DHRS9: variants seen among roughly 807,000 people sequenced by gnomAD.
DHRS9 encodes the protein dehydrogenase/reductase 9.
DHRS9 carries 18 observed loss-of-function variants against 26.6 expected under a neutral mutation model. That is an observed-to-expected ratio of 0.68 (90% CI 0.47 to 1.00). The LOEUF (loss-of-function observed/expected upper bound fraction) is 1.00. Among genes scored for constraint, DHRS9 ranks in the 50% least tolerant of loss-of-function variants. The pLI, the probability that DHRS9 is intolerant of heterozygous loss-of-function variation, is 0.00. For missense variants in DHRS9, 425 were observed against 378.7 expected (o/e 1.12, Z -1.01); for synonymous variants, 134 against 141.1 (o/e 0.95, Z 0.36).
At position 169,078,815 on chromosome 2, in the gene DHRS9, C is replaced by CTTTTTTTTTTTTTTTTTTTTTTT. The variant is rs200691133; in HGVS notation, c.-59-2704_-59-2682dup. Among the ~76,000 whole-genome samples, 6 of 110,366 alleles carry CTTTTTTTTTTTTTTTTTTTTTTT rather than the reference C, an allele frequency of 5.4e-5. 1 individual carries two copies. The highest frequency in any genetic ancestry group is 1.1e-4 in the African/African-American group (3 of 26,668). The allele number at this position is 110,366 out of a possible 152,430, so 72.4% of individuals were successfully genotyped here. On this transcript the variant is annotated intron_variant, in intron 1 of 4. Coordinates refer to ENST00000674881, the MANE Select transcript of DHRS9 (RefSeq NM_001376924.1). Reference sequence around the variant, plus strand: ...CTCTGACTTAATTTTTATCAACTGACTTTTTTTTTTTTTTTTTTTTTTTTT... The same window carrying CTTTTTTTTTTTTTTTTTTTTTTT: ...CTCTGACTTAATTTTTATCAACTGACTTTTTTTTTTTTTTTTTTTTTTTTTTTTTTTTTTTTTTTTTTTTTTTT...
At chr2:169,077,116 T>A (rs1255163203) in intron 1 of DHRS9, among the ~76,000 whole-genome samples, 2 of 152,194 alleles carry the variant, frequency 1.3e-5, no homozygotes, top group Non-Finnish European at 2.9e-5. Context: ...TGTTCAGATG[T>A]CAGCTGTGCT....
chr2:169,095,491 C>A, intron 4 of DHRS9, 53 bp from the exon 5 acceptor site: 1 of 1,456,616 alleles, frequency 6.9e-7, no homozygotes, highest in Non-Finnish European at 9.6e-7. Context: ...CCTAGACTTC[C>A]ACTCTGCTTT....
rs900619578 is a variant in DHRS9 at position 169,092,113 on chromosome 2, G to A, written c.736+160G>A. ...CCTATTAATTTCAGTGTCATCTCTT[G>A]CTTCTGTTTATAAACATTTACTGAG... On this transcript the variant is annotated intron_variant, in intron 4 of 4. Coordinates refer to ENST00000674881, the MANE Select transcript of DHRS9 (RefSeq NM_001376924.1). Among the ~76,000 whole-genome samples, 5 of 152,296 alleles carry A rather than the reference G, an allele frequency of 3.3e-5. No homozygotes were observed. In the East Asian group the frequency reaches 9.6e-4, roughly 29 times the overall value.
intron 3 of DHRS9, among the ~76,000 whole-genome samples, chr2:169,090,348 A>G (rs1160128208): frequency 4.6e-5 from 7 of 152,216 alleles, no homozygotes; most frequent in African/African-American, 1.2e-4. Context: ...GGGTGGGGAG[A>G]AAAGTCTTCC....
Position 169,095,755 on chromosome 2 carries a change from C to T in DHRS9, c.948C>T (p.Pro316=), listed in dbSNP as rs757403042. The T allele has an allele frequency of 5.6e-6, 9 of 1,613,558 alleles. No homozygotes were observed. The highest frequency in any genetic ancestry group is 1.7e-5 in the Admixed American group (1 of 59,942). ...LLKQKAELAN[P]KAV ...AACAGAAAGCAGAGCTGGCTAATCC[C>T]AAGGCAGTGTGACTCAGCTAACCAC... The change falls in exon 5 of 5, where the codon CCC becomes CCT. Residue 316 remains proline, a synonymous_variant. Coordinates refer to ENST00000674881, the MANE Select transcript of DHRS9 (RefSeq NM_001376924.1).
chr2:169,073,910 T>C (rs1444920912), intron 1 of DHRS9, among the ~76,000 whole-genome samples: 28 of 152,172 alleles, frequency 1.8e-4, no homozygotes, highest in Admixed American at 1.8e-3. Flanking sequence ...CTGGGGGATA[T>C]TTTGTCCTCC....
At chr2:169,088,709 C>T (rs1352550212) in intron 3 of DHRS9, among the ~76,000 whole-genome samples, 1 of 152,120 alleles carries the variant, frequency 6.6e-6, no homozygotes, top group East Asian at 1.9e-4. Context: ...AGATTTGAAC[C>T]CAAGTTTAAC....
chr2:169,073,762 C>T (rs1240909063), intron 1 of DHRS9, among the ~76,000 whole-genome samples: 1 of 152,142 alleles, frequency 6.6e-6, no homozygotes, highest in East Asian at 1.9e-4. Context: ...CCCAACTTTT[C>T]CATGAGGCCA....
chr2:169,082,088 C>A (rs896742768), intron 2 of DHRS9, among the ~76,000 whole-genome samples, 194 bp downstream of exon 2: 3 of 152,184 alleles, frequency 2.0e-5, no homozygotes, highest in African/African-American at 7.2e-5. Context: ...ATGAGAAACA[C>A]AGCCCAGAAG....
intron 3 of DHRS9, among the ~76,000 whole-genome samples, chr2:169,084,661 T>C (rs1443011567): frequency 1.3e-5 from 2 of 152,204 alleles, no homozygotes. Flanking sequence ...CTCAGATCTT[T>C]TGCCCATTAT....
intron 1 of DHRS9, among the ~76,000 whole-genome samples, chr2:169,079,894 A>AGG (rs1558951394): frequency 4.6e-5 from 4 of 86,278 alleles, no homozygotes; most frequent in African/African-American, 2.5e-4. Flanking sequence ...AGAGAGAGAG[A>AGG]GAGGGAGGGA....
At chr2:169,067,527 G>A (rs1431808253), upstream of DHRS9, among the ~76,000 whole-genome samples, 1 of 152,136 alleles carries the variant, frequency 6.6e-6, no homozygotes, top group South Asian at 2.1e-4. Flanking sequence ...CCTTACCACT[G>A]TATACTTACA....
chr2:169,079,380 AC>A (rs1684071712), intron 1 of DHRS9, among the ~76,000 whole-genome samples: 1 of 152,118 alleles, frequency 6.6e-6, no homozygotes, highest in African/African-American at 2.4e-5. Context: ...TAGAAAGAAA[AC>A]TTTACAAATA....
intron 1 of DHRS9, among the ~76,000 whole-genome samples, chr2:169,071,623 C>T (rs1169230087): frequency 6.6e-6 from 1 of 152,110 alleles, no homozygotes; most frequent in Admixed American, 6.5e-5. Context: ...ACCCAAAGCA[C>T]AGTCTGGCTG....
At chr2:169,073,797 G>A (rs778694750) in intron 1 of DHRS9, among the ~76,000 whole-genome samples, 3 of 152,138 alleles carry the variant, frequency 2.0e-5, no homozygotes, top group African/African-American at 7.2e-5. Context: ...TCATCAATGT[G>A]ATACTACCAA....
chr2:169,086,915 T>A (rs1331914522), intron 3 of DHRS9, among the ~76,000 whole-genome samples: 1 of 152,192 alleles, frequency 6.6e-6, no homozygotes, highest in Non-Finnish European at 1.5e-5. Flanking sequence ...CAAGCACTCC[T>A]GACCACCATC....
intron 1 of DHRS9, among the ~76,000 whole-genome samples, chr2:169,079,915 GA>G (rs1288766157): frequency 5.2e-5 from 3 of 57,358 alleles, no homozygotes; most frequent in Non-Finnish European, 9.1e-5. Flanking sequence ...GGGAGGGAGG[GA>G]GGGGGAGAGA....
At chr2:169,078,814 A>ATTT (rs1491412045) in intron 1 of DHRS9, among the ~76,000 whole-genome samples, 3 of 102,146 alleles carry the variant, frequency 2.9e-5, no homozygotes, top group African/African-American at 1.7e-4. Context: ...TTATCAACTG[A>ATTT]CTTTTTTTTT....
At chr2:169,094,411 A>G (rs1684629535) in intron 4 of DHRS9, among the ~76,000 whole-genome samples, 1 of 152,094 alleles carries the variant, frequency 6.6e-6, no homozygotes, top group Non-Finnish European at 1.5e-5. Context: ...TGCTGTGCAG[A>G]AGCTTTTTAG....
Sources: allele counts gnomAD v4.1 joint callset (sites outside exome capture counted in the v4.1 genomes callset), GRCh38; gene constraint gnomAD v4.1.1; transcripts MANE v1.5; gene names NCBI Gene and HGNC (gene_info 2026-07-23, HGNC 2026-07-21).